The following ARB2A variants were observed in gnomAD, a reference collection of about 807,000 sequenced individuals.
ARB2A encodes ARB2 cotranscriptional regulator A, also known as cotranscriptional regulator ARB2A.
chr5:93,688,906 T>C, the ARB2A span, among the ~76,000 whole-genome samples: 1 of 152,236 alleles, frequency 6.6e-6, no homozygotes, highest in African/African-American at 2.4e-5. Flanking sequence ...CAGGTCATCA[T>C]GATTTAACCA....
At chr5:94,078,811 T>C in the ARB2A span, among the ~76,000 whole-genome samples, 1 of 151,880 alleles carries the variant, frequency 6.6e-6, no homozygotes, top group South Asian at 2.1e-4. Flanking sequence ...TAAGTGACCT[T>C]GAGAAAGTTA....
At chr5:94,009,982 G>T in the ARB2A span, among the ~76,000 whole-genome samples, 1 of 150,328 alleles carries the variant, frequency 6.7e-6, no homozygotes, top group Non-Finnish European at 1.5e-5. Flanking sequence ...TGATAACACT[G>T]AAGAACTGGC....
the ARB2A span, chr5:93,620,919 G>C: frequency 2.5e-6 from 4 of 1,569,978 alleles, no homozygotes; most frequent in East Asian, 4.7e-5. Context: ...GAGTCCGCTC[G>C]ACACAAGCAG....
chr5:93,679,740 A>G, the ARB2A span, among the ~76,000 whole-genome samples: 2 of 152,248 alleles, frequency 1.3e-5, no homozygotes, highest in East Asian at 3.9e-4. Context: ...TACATACACA[A>G]TTTTATGCCC....
chr5:93,856,451 T>G, the ARB2A span, among the ~76,000 whole-genome samples: 1 of 152,218 alleles, frequency 6.6e-6, no homozygotes, highest in East Asian at 1.9e-4. Context: ...TTTCACATAG[T>G]CCCATATTTC....
the ARB2A span, among the ~76,000 whole-genome samples, chr5:93,913,986 T>A: frequency 6.6e-6 from 1 of 151,952 alleles, no homozygotes; most frequent in Admixed American, 6.6e-5. Context: ...TCAGTCTAGA[T>A]AAAATATTCT....
At chr5:93,864,570 T>A in the ARB2A span, among the ~76,000 whole-genome samples, 2 of 152,128 alleles carry the variant, frequency 1.3e-5, no homozygotes, top group African/African-American at 4.8e-5. Flanking sequence ...AACAAAACAA[T>A]CATGCTACAT....
chr5:93,924,443 A>G, the ARB2A span, among the ~76,000 whole-genome samples: 40 of 152,364 alleles, frequency 2.6e-4, 1 homozygote, highest in East Asian at 4.4e-3. Context: ...AGACTGGTAT[A>G]TGGGTCATTT....
chr5:93,907,280 G>A, the ARB2A span, among the ~76,000 whole-genome samples: 1 of 151,298 alleles, frequency 6.6e-6, no homozygotes, highest in Non-Finnish European at 1.5e-5. Context: ...ACAATTTTAA[G>A]ACATTATGAG....
chr5:94,107,731 C>T, the ARB2A span, among the ~76,000 whole-genome samples: 15 of 152,120 alleles, frequency 9.9e-5, no homozygotes, highest in African/African-American at 3.6e-4. Context: ...TGAACAACTT[C>T]GCTTACTCCT....
the ARB2A span, among the ~76,000 whole-genome samples, chr5:93,915,639 T>C: frequency 1.3e-5 from 2 of 151,916 alleles, no homozygotes; most frequent in Non-Finnish European, 2.9e-5. Flanking sequence ...CACAAACATA[T>C]GAAACCCAAA....
chr5:93,969,799 C>G, the ARB2A span, among the ~76,000 whole-genome samples: 1 of 152,012 alleles, frequency 6.6e-6, no homozygotes. Flanking sequence ...TACTTCAGGT[C>G]TTTAATTAAA....
chr5:93,621,671 G>C, the ARB2A span, among the ~76,000 whole-genome samples: 1 of 152,204 alleles, frequency 6.6e-6, no homozygotes, highest in Non-Finnish European at 1.5e-5. Flanking sequence ...GGTGTGGAGG[G>C]GAAGGGGGAA....
At chr5:93,915,728 T>TC in the ARB2A span, among the ~76,000 whole-genome samples, 1 of 151,948 alleles carries the variant, frequency 6.6e-6, no homozygotes, top group Non-Finnish European at 1.5e-5. Context: ...AACTCTCTAC[T>TC]CCCTCCCTCA....
At chr5:94,107,010 A>C in the ARB2A span, among the ~76,000 whole-genome samples, 25 of 152,084 alleles carry the variant, frequency 1.6e-4, no homozygotes. Context: ...GAGGATGAGA[A>C]TTGAAAAACT....
the ARB2A span, among the ~76,000 whole-genome samples, chr5:93,920,632 A>T: frequency 1.3e-5 from 2 of 152,308 alleles, no homozygotes; most frequent in Admixed American, 1.3e-4. Flanking sequence ...ATTCACAAAT[A>T]TATTATAGAA....
chr5:93,744,655 T>G, the ARB2A span, among the ~76,000 whole-genome samples: 1 of 151,990 alleles, frequency 6.6e-6, no homozygotes, highest in Non-Finnish European at 1.5e-5. Flanking sequence ...ATATTCAACG[T>G]CCTATGGAAA....
the ARB2A span, among the ~76,000 whole-genome samples, chr5:94,094,196 AT>A: frequency 1.3e-5 from 2 of 152,194 alleles, no homozygotes; most frequent in Non-Finnish European, 2.9e-5. Context: ...AACAAGATAA[AT>A]TTATTTTCTC....
chr5:94,066,221 T>C, the ARB2A span, among the ~76,000 whole-genome samples: 220 of 151,640 alleles, frequency 1.5e-3, 1 homozygote, highest in African/African-American at 5.0e-3. Context: ...GATACAGCAA[T>C]AAATGACTAC....
Sources: gnomAD v4.1 joint callset for allele counts (sites outside exome capture counted in the v4.1 genomes callset) on GRCh38, gnomAD v4.1.1 for gene constraint, MANE v1.5 for transcripts, NCBI Gene and HGNC (gene_info 2026-07-23, HGNC 2026-07-21) for gene names.